Variants in TMEM117 observed in about 807,000 individuals in gnomAD.
The protein encoded by TMEM117 is transmembrane protein 117.
In TMEM117, 27 loss-of-function variants were observed where a neutral mutation model predicts 52.4. That is an observed-to-expected ratio of 0.51 (90% CI 0.38 to 0.71). The LOEUF (loss-of-function observed/expected upper bound fraction) is 0.71. TMEM117 is among the 30% of genes least tolerant of loss of function. The pLI, the probability that TMEM117 is intolerant of heterozygous loss-of-function variation, is 0.00. For missense variants in TMEM117, 556 were observed against 630.5 expected (o/e 0.88, Z 1.26); for synonymous variants, 215 against 206.3 (o/e 1.04, Z -0.36).
intron 2 of TMEM117, among the ~76,000 whole-genome samples, chr12:43,866,777 T>A (rs1403968475): frequency 6.6e-6 from 1 of 152,196 alleles, no homozygotes; most frequent in Non-Finnish European, 1.5e-5. Context: ...AGACTGTTTT[T>A]TCCTTAATTT....
At chr12:44,117,447 C>A (rs574561850) in intron 3 of TMEM117, among the ~76,000 whole-genome samples, 2 of 151,936 alleles carry the variant, frequency 1.3e-5, no homozygotes, top group African/African-American at 4.8e-5. Flanking sequence ...ATGTGTTGAT[C>A]GAATCAGTTG....
chr12:44,382,556 A>G (rs1952035528), intron 7 of TMEM117, among the ~76,000 whole-genome samples: 1 of 152,208 alleles, frequency 6.6e-6, no homozygotes, highest in Non-Finnish European at 1.5e-5. Context: ...CACAGAAATG[A>G]ACACGACACA....
intron 5 of TMEM117, among the ~76,000 whole-genome samples, chr12:44,271,832 T>C (rs750795484): frequency 3.3e-5 from 5 of 151,950 alleles, no homozygotes; most frequent in Admixed American, 6.6e-5. Flanking sequence ...TTCCAAACGG[T>C]ATATATGATA....
intron 3 of TMEM117, among the ~76,000 whole-genome samples, chr12:44,043,968 CT>C (rs1464540998): frequency 2.0e-5 from 3 of 152,244 alleles, no homozygotes; most frequent in Admixed American, 1.3e-4. Flanking sequence ...TAATAGTTTA[CT>C]TTGTTAGCTG....
chr12:43,867,307 C>A (rs1035805160), intron 2 of TMEM117, among the ~76,000 whole-genome samples: 1 of 152,134 alleles, frequency 6.6e-6, no homozygotes, highest in African/African-American at 2.4e-5. Context: ...ATGTTTCAAT[C>A]TTTAGAACAA....
intron 7 of TMEM117, among the ~76,000 whole-genome samples, chr12:44,377,355 C>G (rs1951956523): frequency 6.6e-6 from 1 of 151,982 alleles, no homozygotes; most frequent in African/African-American, 2.4e-5. Context: ...TCCTAGAGCC[C>G]CAATCAGAAC....
chr12:44,077,143 T>C (rs1947395321), intron 3 of TMEM117, among the ~76,000 whole-genome samples: 1 of 152,174 alleles, frequency 6.6e-6, no homozygotes, highest in Admixed American at 6.5e-5. Flanking sequence ...AACAAAGCTT[T>C]AATATTCTTA....
At chr12:43,979,665 C>T (rs755375371) in intron 3 of TMEM117, among the ~76,000 whole-genome samples, 8 of 152,058 alleles carry the variant, frequency 5.3e-5, no homozygotes, top group East Asian at 1.9e-4. Context: ...TGCAAATTAG[C>T]GTTGATAGCC....
At chr12:44,218,833 T>C (rs1949753035) in intron 5 of TMEM117, among the ~76,000 whole-genome samples, 1 of 152,188 alleles carries the variant, frequency 6.6e-6, no homozygotes, top group Non-Finnish European at 1.5e-5. Flanking sequence ...TCACATTCGT[T>C]GTTTCCTTTA....
the TMEM117 span, among the ~76,000 whole-genome samples, chr12:43,798,299 T>C: frequency 7.2e-5 from 11 of 152,166 alleles, no homozygotes; most frequent in Admixed American, 7.2e-4. Flanking sequence ...CAACAAGTTA[T>C]ACTACTGCAG....
rs538765130 is a variant in TMEM117, at chr12:43,991,494, A to G, written c.410+47152A>G. 3.5e-4 allele frequency among the ~76,000 whole-genome samples: 53 copies of G among 151,920 alleles called. 1 individual carries two copies. The highest frequency in any genetic ancestry group is 1.2e-3 in the African/African-American group (50 of 41,304). On this transcript the variant is annotated intron_variant, in intron 3 of 7. Transcript: ENST00000266534. ...CTATCTAATCTATCTCTGTCTATCT[A>G]TCTGTCCAAAATGAAAGAAATATAA...
chr12:43,804,540 C>A, the TMEM117 span: 1 of 1,603,426 alleles, frequency 6.2e-7, no homozygotes, highest in Non-Finnish European at 8.5e-7. Context: ...CCATTTCTGG[C>A]TCTGGCAAAG....
intron 4 of TMEM117, among the ~76,000 whole-genome samples, chr12:44,200,611 T>A (rs893667193): frequency 2.0e-5 from 3 of 152,140 alleles, no homozygotes; most frequent in Admixed American, 6.6e-5. Context: ...AATAGAGAAG[T>A]TTTGGCAATC....
chr12:43,867,853 A>G (rs1348892773), intron 2 of TMEM117, among the ~76,000 whole-genome samples: 1 of 152,204 alleles, frequency 6.6e-6, no homozygotes, highest in East Asian at 1.9e-4. Context: ...TTCTCTTACT[A>G]ATTGACAGAA....
intron 3 of TMEM117, among the ~76,000 whole-genome samples, chr12:44,094,203 T>G (rs1947719243): frequency 6.6e-6 from 1 of 152,144 alleles, no homozygotes; most frequent in South Asian, 2.1e-4. Flanking sequence ...TTTTGAACCA[T>G]TCACTATGCA....
intron 3 of TMEM117, among the ~76,000 whole-genome samples, chr12:43,966,464 A>G (rs554570284): frequency 6.6e-6 from 1 of 152,348 alleles, no homozygotes; most frequent in Non-Finnish European, 1.5e-5. Flanking sequence ...ATAGATTATG[A>G]TGTTCATGCC....
downstream of TMEM117, among the ~76,000 whole-genome samples, chr12:44,393,126 G>A (rs74085176): frequency 0.018 from 2,778 of 152,132 alleles, 92 homozygotes; most frequent in African/African-American, 0.063. Context: ...TTTTAATTTA[G>A]TGTGAGGTAT....
intron 2 of TMEM117, among the ~76,000 whole-genome samples, chr12:43,918,696 A>C (rs1417285969): frequency 6.6e-6 from 1 of 152,138 alleles, no homozygotes; most frequent in Admixed American, 6.5e-5. Flanking sequence ...CCTTAGCTCT[A>C]TGCCTGCCTC....
intron 2 of TMEM117, among the ~76,000 whole-genome samples, chr12:43,875,000 T>C (rs925701408): frequency 3.3e-5 from 5 of 152,240 alleles, no homozygotes; most frequent in African/African-American, 1.2e-4. Flanking sequence ...ATAAGTATTC[T>C]TAAGTTCAGG....
Sources: gnomAD v4.1 joint callset for allele counts (sites outside exome capture counted in the v4.1 genomes callset) on GRCh38, gnomAD v4.1.1 for gene constraint, MANE v1.5 for transcripts, NCBI Gene and HGNC (gene_info 2026-07-23, HGNC 2026-07-21) for gene names.